Variants in ANKRD28 observed in about 807,000 individuals in gnomAD.
ANKRD28 encodes the protein serine/threonine-protein phosphatase 6 regulatory ankyrin repeat subunit A.
A neutral mutation model predicts 126.5 loss-of-function variants in ANKRD28; 44 were observed. That is an observed-to-expected ratio of 0.35 (90% CI 0.27 to 0.45). The LOEUF (loss-of-function observed/expected upper bound fraction) is 0.45. ANKRD28 is among the 20% of genes least tolerant of loss of function. The pLI is 1.00. For missense variants in ANKRD28, 1,110 were observed against 1,316.6 expected (o/e 0.84, Z 2.43); for synonymous variants, 442 against 468.5 (o/e 0.94, Z 0.73).
intron 1 of ANKRD28, among the ~76,000 whole-genome samples, chr3:15,837,556 G>A (rs1181738483): frequency 1.3e-5 from 2 of 152,098 alleles, no homozygotes; most frequent in African/African-American, 4.8e-5. Context: ...ATGGACTAGA[G>A]AGAAAAATCA....
At chr3:15,788,360 T>A (rs999538206) in intron 2 of ANKRD28, among the ~76,000 whole-genome samples, 1 of 152,082 alleles carries the variant, frequency 6.6e-6, no homozygotes, top group African/African-American at 2.4e-5. Context: ...GAAGAAAAAA[T>A]ATTTCTCTCT....
chr3:15,858,586 T>C (rs1252080334), intron 1 of ANKRD28, among the ~76,000 whole-genome samples: 3 of 152,238 alleles, frequency 2.0e-5, no homozygotes, highest in East Asian at 1.9e-4. Flanking sequence ...AAATAAGTTG[T>C]CAACACTAGT....
chr3:15,711,199 C>T lies in ANKRD28; in HGVS notation c.1337+12G>A. 3 of 1,603,212 alleles carry T rather than the reference C, an allele frequency of 1.9e-6. No individual in the cohort carries two copies. Among genetic ancestry groups the T allele is most frequent in the Non-Finnish European group, 2.6e-6 (3 of 1,173,336 alleles). ...ATCTTTTCTTAAAGAAATAAAAATA[C>T]TATTAACATACCCTCCAGCTGCAGC... On this transcript the variant is annotated intron_variant, in intron 12 of 27. Transcript: ENST00000683139.
chr3:15,689,974 AT>A, intron 18 of ANKRD28, 44 bp downstream of exon 18: 3 of 1,462,184 alleles, frequency 2.1e-6, no homozygotes, highest in Non-Finnish European at 2.8e-6. Flanking sequence ...GAAAAAAAGT[AT>A]TGGATAGAAG....
At chr3:15,770,016 T>C (rs1225126097) in intron 2 of ANKRD28, among the ~76,000 whole-genome samples, 2 of 151,344 alleles carry the variant, frequency 1.3e-5, no homozygotes, top group Non-Finnish European at 2.9e-5. Context: ...CCACATCCAT[T>C]GAAAAAGCCT....
At chr3:15,795,400 C>T in intron 1 of ANKRD28, 94 bp from the exon 2 acceptor site, 1 of 815,084 alleles carries the variant, frequency 1.2e-6, no homozygotes, top group Non-Finnish European at 2.0e-6. Context: ...AGTTTTCTTC[C>T]CTGTAGCAAT....
intron 1 of ANKRD28, among the ~76,000 whole-genome samples, chr3:15,849,850 C>A (rs1413145680): frequency 1.3e-5 from 2 of 152,066 alleles, no homozygotes; most frequent in Non-Finnish European, 2.9e-5. Context: ...GTGAAGATCA[C>A]CATGTATACG....
intron 8 of ANKRD28, among the ~76,000 whole-genome samples, chr3:15,717,823 C>T (rs2073251128): frequency 6.6e-6 from 1 of 152,156 alleles, no homozygotes; most frequent in Admixed American, 6.6e-5. Context: ...ATTCATTTTA[C>T]CTCTACCACT....
rs566751769 is a variant in ANKRD28 at position 15,770,413 on chromosome 3, C to T, written c.202-4101G>A. 3.6e-3 allele frequency among the ~76,000 whole-genome samples: 528 copies of T among 147,132 alleles called. 5 individuals carry two copies. Among genetic ancestry groups the T allele is most frequent in the Non-Finnish European group, 4.4e-3 (293 of 66,744 alleles). ...ACTATGTATTGAATACATATATATA[C>T]ATATATATATATATATTAGATAGCA... On this transcript the variant is annotated intron_variant, in intron 2 of 27. Coordinates refer to ENST00000683139, the MANE Select transcript of ANKRD28 (RefSeq NM_001349278.2).
intron 2 of ANKRD28, among the ~76,000 whole-genome samples, chr3:15,784,135 A>C (rs2059663328): frequency 2.0e-5 from 3 of 152,040 alleles, no homozygotes; most frequent in South Asian, 4.1e-4. Context: ...AATTGAGAGA[A>C]TTTGTCAGCT....
intron 3 of ANKRD28, among the ~76,000 whole-genome samples, chr3:15,756,829 C>T (rs979660009): frequency 6.6e-6 from 1 of 152,172 alleles, no homozygotes; most frequent in Non-Finnish European, 1.5e-5. Context: ...AGGAGTATCC[C>T]ATTTGACTCC....
At chr3:15,836,160 T>C (rs1209973481) in intron 1 of ANKRD28, among the ~76,000 whole-genome samples, 2 of 152,078 alleles carry the variant, frequency 1.3e-5, no homozygotes, top group Non-Finnish European at 1.5e-5. Context: ...TAAAAGACTA[T>C]AAATGTTTTT....
At chr3:15,748,450 A>T (rs1449538147) in intron 4 of ANKRD28, among the ~76,000 whole-genome samples, 1 of 152,174 alleles carries the variant, frequency 6.6e-6, no homozygotes, top group Non-Finnish European at 1.5e-5. Context: ...TCATTCATGA[A>T]GCTTAGTTTC....
rs114910815 is a variant in ANKRD28, at chr3:15,806,123, T to C, written c.28-10817A>G. On this transcript the variant is annotated intron_variant, in intron 1 of 27. Coordinates refer to the ANKRD28 transcript ENST00000399451. ...CCTTCTATTGTTGAAAGAAGGAAGG[T>C]ATGTTTGTAATGTGTCTCAGGTGTG... 9.3e-3 allele frequency among the ~76,000 whole-genome samples: 1,415 copies of C among 152,336 alleles called. 22 individuals are homozygous for C. The highest frequency in any genetic ancestry group is 0.032 in the African/African-American group (1,327 of 41,566).
At position 15,838,425 on chromosome 3, in the gene ANKRD28, C is replaced by T. The variant is rs530518252; in HGVS notation, c.27+20952G>A. ...AAACATTAAACATAAGCTTATTATA[C>T]GACCCAGCGATTCTACTCAAGAATC... is the stretch of plus-strand genomic sequence containing the variant. On this transcript the variant is annotated intron_variant, in intron 1 of 27. Coordinates refer to the ANKRD28 transcript ENST00000399451. This position sits in a 1 kb window ranked among gnomAD's most constrained non-coding sequence, Gnocchi z 4.0. Among the ~76,000 whole-genome samples the T allele has an allele frequency of 1.3e-4, 20 of 152,154 alleles. No homozygotes were observed. The highest frequency in any genetic ancestry group is 2.6e-4 in the Admixed American group (4 of 15,258).
chr3:15,854,309 T>C lies in ANKRD28; in HGVS notation c.27+5068A>G, dbSNP rs2061715632. ...CACTCCAATCAAGACTATCTCCTGATTATCCCATCCATCCTTCCTGGCTTG... is the reference window on the plus strand; with the variant it reads ...CACTCCAATCAAGACTATCTCCTGACTATCCCATCCATCCTTCCTGGCTTG... On this transcript the variant is annotated intron_variant, in intron 1 of 27. Transcript: ENST00000399451. The surrounding 1 kb of genome is among the most constrained non-coding windows in gnomAD (Gnocchi z 4.1). Among the ~76,000 whole-genome samples the C allele has an allele frequency of 6.6e-6, 1 of 152,236 alleles. No individual in the cohort carries two copies.
chr3:15,756,775 A>C (rs1038334324), intron 3 of ANKRD28, among the ~76,000 whole-genome samples: 1 of 152,160 alleles, frequency 6.6e-6, no homozygotes, highest in African/African-American at 2.4e-5. Flanking sequence ...TTTAAACAAC[A>C]AAGGGCACTC....
chr3:15,749,635 G>T (rs1370263233), intron 4 of ANKRD28, among the ~76,000 whole-genome samples: 1 of 152,132 alleles, frequency 6.6e-6, no homozygotes, highest in Non-Finnish European at 1.5e-5. Context: ...TATGTCAGAG[G>T]GAAGATCTGG....
chr3:15,727,354 G>T (rs933806606), intron 6 of ANKRD28, among the ~76,000 whole-genome samples: 1 of 151,858 alleles, frequency 6.6e-6, no homozygotes, highest in Non-Finnish European at 1.5e-5. Context: ...ATCACCTGAG[G>T]TCAGCAGTTC....
Sources: gnomAD v4.1 joint callset for allele counts (sites outside exome capture counted in the v4.1 genomes callset) on GRCh38, gnomAD v4.1.1 for gene constraint, Gnocchi (gnomAD v3.1) non-coding constraint, MANE v1.5 for transcripts, NCBI Gene and HGNC (gene_info 2026-07-23, HGNC 2026-07-21) for gene names.